NHSL2: variants seen among roughly 807,000 people sequenced by gnomAD.
The protein encoded by NHSL2 is NHS-like protein 2.
Under a neutral mutation model 53.4 loss-of-function variants are expected in NHSL2, and 27 were observed. The observed-to-expected ratio is 0.51, with a 90% confidence interval of 0.37 to 0.70. NHSL2 has a LOEUF of 0.70. Ranked by LOEUF, NHSL2 falls within the 30% of genes least tolerant of loss-of-function variation. The probability of loss-of-function intolerance (pLI) is 0.00; values close to 1 mark genes in which losing one functional copy is unlikely to be tolerated. For missense variants in NHSL2, 892 were observed against 980.1 expected (o/e 0.91, Z 1.20); for synonymous variants, 408 against 404.1 (o/e 1.01, Z -0.12).
intron 1 of NHSL2, among the ~76,000 whole-genome samples, chrX:71,961,787 G>C (rs2041868915): frequency 9.0e-6 from 1 of 111,498 alleles, no homozygotes; most frequent in African/African-American, 3.3e-5. Flanking sequence ...TCATGCCTCT[G>C]CCTCCCGAGT....
rs1043461984 is a variant in NHSL2 at position 72,130,605 on chromosome X, G to A, written c.281-1474G>A. 86 of 1,209,725 alleles carry A rather than the reference G, an allele frequency of 7.1e-5. 1 individual carries two copies. Among genetic ancestry groups the A allele is most frequent in the Non-Finnish European group, 9.4e-5 (84 of 895,105 alleles). On this transcript the variant is annotated intron_variant, in intron 1 of 7. Coordinates refer to ENST00000633930, the MANE Select transcript of NHSL2 (RefSeq NM_001013627.3). ...CAGGGAGCGGGATAGGCTTGGGAAC[G>A]CGCACTTTTCTTTCTATCTCCACAC... is the stretch of plus-strand genomic sequence containing the variant.
chrX:72,098,376 C>T (rs2041960150), intron 1 of NHSL2, among the ~76,000 whole-genome samples: 1 of 111,243 alleles, frequency 9.0e-6, no homozygotes, highest in South Asian at 3.8e-4. Flanking sequence ...GTCAGGAGAC[C>T]GAGACCATCC....
At chrX:71,929,262 A>G (rs1328322371) in intron 1 of NHSL2, among the ~76,000 whole-genome samples, 1 of 112,720 alleles carries the variant, frequency 8.9e-6, no homozygotes, top group Non-Finnish European at 1.9e-5. Context: ...ATATAGTAGT[A>G]TATGTGCTTC....
chrX:72,086,407 G>C (rs760269781), intron 1 of NHSL2, among the ~76,000 whole-genome samples: 1 of 112,144 alleles, frequency 8.9e-6, no homozygotes, highest in East Asian at 2.8e-4. Context: ...AGGTAGGCTG[G>C]GCTTGGTGGC....
In NHSL2 at chrX:72,137,222, C is replaced by G; in HGVS notation, c.889C>G (p.Gln297Glu). Residue 297 changes from glutamine (Q) to glutamate (E), a missense_variant, in exon 5 of 8, where the codon CAA (glutamine) becomes GAA (glutamate). By Grantham distance (29) the Gln-to-Glu change is conservative. Coordinates refer to ENST00000633930, the MANE Select transcript of NHSL2 (RefSeq NM_001013627.3). ...IGFSNFSQRDQGHSNSPAGSV... is the reference protein window; with the variant it reads ...IGFSNFSQRDEGHSNSPAGSV... ...ATTCTCTAACTTTTCCCAGCGAGACCAAGGTGACCCCACCACAGCTGATTC... is the reference window on the plus strand; with the variant it reads ...ATTCTCTAACTTTTCCCAGCGAGACGAAGGTGACCCCACCACAGCTGATTC... 2.6e-6 allele frequency: 3 copies of G among 1,165,180 alleles called. No individual in the cohort carries two copies. In the South Asian group the frequency reaches 5.7e-5, roughly 22 times the overall value.
At chrX:72,078,324 G>A (rs1334539268) in intron 1 of NHSL2, among the ~76,000 whole-genome samples, 1 of 112,423 alleles carries the variant, frequency 8.9e-6, no homozygotes, top group East Asian at 2.8e-4. Context: ...TCTCCACCTG[G>A]GGAGATTTGA....
At chrX:71,957,560 C>T (rs1013710827) in intron 1 of NHSL2, among the ~76,000 whole-genome samples, 1 of 111,986 alleles carries the variant, frequency 8.9e-6, no homozygotes, top group African/African-American at 3.3e-5. Flanking sequence ...GCCACAACAG[C>T]TGCATCTTTT....
chrX:72,038,656 T>C (rs1322489728), intron 1 of NHSL2, among the ~76,000 whole-genome samples: 3 of 112,557 alleles, frequency 2.7e-5, no homozygotes, highest in African/African-American at 9.7e-5. Flanking sequence ...TGCATACATG[T>C]TCTGCAAATT....
rs776078232 is a variant in NHSL2 at position 72,132,269 on chromosome X, AGAAGCGAGATGC to A, written c.436+37_436+48del. The stretch of plus-strand genomic sequence containing the variant: ...GGGAGGGGGGCTGCGGCCGGAGCCC[AGAAGCGAGATGC>A]GCAGCGGCAGGAGGGAGGCAAAGAA... On this transcript the variant is annotated intron_variant, in intron 2 of 7. Coordinates refer to ENST00000633930, the MANE Select transcript of NHSL2 (RefSeq NM_001013627.3). The A allele has an allele frequency of 5.4e-6, 6 of 1,118,133 alleles. No individual in the cohort carries two copies. The South Asian group carries it at 1.0e-4, about 19-fold the overall frequency. 92.1% of individuals were successfully genotyped at this position (1,118,133 alleles called of 1,213,427 possible).
In NHSL2 at chrX:72,152,151, C is replaced by T. The variant is rs1341642454; in HGVS notation, c.*8577C>T. ...TGAATTCTGTTCTAAAGCTTCTTCA[C>T]GTCTCTCTCCATCCTGCTCCCATCT... On this transcript the variant is annotated 3_prime_UTR_variant, in exon 8 of 8. Coordinates refer to ENST00000633930, the MANE Select transcript of NHSL2 (RefSeq NM_001013627.3). 1 of 112,927 alleles carries T rather than the reference C, an allele frequency of 8.9e-6. No homozygotes were observed. The highest frequency in any genetic ancestry group is 1.9e-5 in the Non-Finnish European group (1 of 53,356). 9.3% of individuals were successfully genotyped at this position (112,927 alleles called of 1,213,427 possible).
chrX:72,010,469 C>CT (rs1442187435), intron 1 of NHSL2, among the ~76,000 whole-genome samples: 4 of 112,528 alleles, frequency 3.6e-5, no homozygotes, highest in Non-Finnish European at 5.6e-5. Context: ...ATTCAAATCT[C>CT]TATCTCTCCG....
intron 1 of NHSL2, among the ~76,000 whole-genome samples, chrX:71,928,136 G>A (rs1472907759): frequency 8.9e-6 from 1 of 112,442 alleles, no homozygotes; most frequent in African/African-American, 3.2e-5. Flanking sequence ...ATCCAGGCAT[G>A]GAGATGTTGT....
At chrX:72,046,934 G>T (rs1253077052) in intron 1 of NHSL2, among the ~76,000 whole-genome samples, 1 of 111,542 alleles carries the variant, frequency 9.0e-6, no homozygotes, top group Non-Finnish European at 1.9e-5. Context: ...GAGTTGTGCA[G>T]ATGGAAAGAC....
chrX:71,919,070 T>TC (rs2041643466), intron 1 of NHSL2, among the ~76,000 whole-genome samples: 1 of 112,415 alleles, frequency 8.9e-6, no homozygotes, highest in Non-Finnish European at 1.9e-5. Context: ...CTGACAATGA[T>TC]TATCTCAGGG....
intron 1 of NHSL2, among the ~76,000 whole-genome samples, chrX:72,102,696 G>A (rs772818418): frequency 8.9e-6 from 1 of 112,464 alleles, no homozygotes; most frequent in East Asian, 2.8e-4. Flanking sequence ...GATATAATTT[G>A]TAAGTCACAG....
chrX:71,931,950 A>G (rs2041715300), intron 1 of NHSL2, among the ~76,000 whole-genome samples: 1 of 112,082 alleles, frequency 8.9e-6, no homozygotes, highest in South Asian at 3.7e-4. Flanking sequence ...CCAGCTGTTT[A>G]CTGTTTATCA....
intron 1 of NHSL2, among the ~76,000 whole-genome samples, chrX:72,084,364 C>T (rs756456032): frequency 2.1e-3 from 236 of 112,186 alleles, no homozygotes; most frequent in Non-Finnish European, 3.4e-3. Context: ...AGGTCACATG[C>T]GGGAAGTTTA....
chrX:72,106,414 A>T (rs1278499886), intron 1 of NHSL2, among the ~76,000 whole-genome samples: 1 of 112,094 alleles, frequency 8.9e-6, no homozygotes, highest in East Asian at 2.8e-4. Flanking sequence ...TAAATAAACA[A>T]ATACCATCTC....
intron 1 of NHSL2, among the ~76,000 whole-genome samples, chrX:72,084,993 T>C (rs1353266203): frequency 1.8e-5 from 2 of 112,372 alleles, no homozygotes; most frequent in Non-Finnish European, 3.8e-5. Flanking sequence ...CAGTAAGTGA[T>C]GTGATGTGTA....
Sources: allele counts gnomAD v4.1 joint callset (sites outside exome capture counted in the v4.1 genomes callset), GRCh38; gene constraint gnomAD v4.1.1; transcripts MANE v1.5; gene names NCBI Gene and HGNC (gene_info 2026-07-23, HGNC 2026-07-21).